The following CCNL2 variants were observed in gnomAD, a reference collection of about 807,000 sequenced individuals.
CCNL2 encodes cyclin-L2.
Under a neutral mutation model 59.1 loss-of-function variants are expected in CCNL2, and 28 were observed. The observed-to-expected ratio is 0.47, with a 90% CI of 0.35 to 0.65. The LOEUF (loss-of-function observed/expected upper bound fraction) is 0.65. Ranked by LOEUF, CCNL2 falls within the 30% of genes least tolerant of loss-of-function variation. The pLI, the probability that CCNL2 is intolerant of heterozygous loss-of-function variation, is 0.00. For missense variants in CCNL2, 714 were observed against 717.4 expected (o/e 1.00, Z 0.05); for synonymous variants, 342 against 288.6 (o/e 1.19, Z -1.88).
rs994146867 is a variant in CCNL2 at position 1,386,560 on chromosome 1, G to A, written c.*671C>T. The A allele has an allele frequency of 2.0e-5, 3 of 152,544 alleles. No individual in the cohort carries two copies. The highest frequency in any genetic ancestry group is 2.9e-5 in the Non-Finnish European group (2 of 68,032). The allele number at this position is 152,544 out of a possible 1,614,324, so 9.4% of individuals were successfully genotyped here. A position where few individuals can be genotyped will look rare whatever the true frequency, so the allele number is the denominator to read the frequency against. On this transcript the variant is annotated 3_prime_UTR_variant, in exon 11 of 11. Transcript: ENST00000400809. ...GCGCATATAGGGAACCTCTATTTAG[G>A]AGCTGGTGGCCTGCACTCAGCACCG...
rs961630724 is a variant in CCNL2 at position 1,399,193 on chromosome 1, C to T, written c.114G>A (p.Gly38=). Residue 38 remains glycine, a synonymous_variant, in exon 1 of 11, where the codon GGG becomes GGA. Transcript: ENST00000400809. ...APSGSQGVLI[G]DRLYSGVLIT... is the part of the protein sequence containing the mutation. ...TGAGCACCCCGGAGTACAGCCTGTC[C>T]CCGATCAGCACCCCCTGCGACCCTG... is the stretch of plus-strand genomic sequence containing the variant. The T allele has an allele frequency of 1.2e-6, 2 of 1,609,480 alleles. No homozygotes were observed. The highest frequency in any genetic ancestry group is 1.7e-6 in the Non-Finnish European group (2 of 1,178,574).
At chr1:1,392,812 G>A (rs1305208940) in intron 5 of CCNL2, 2 of 1,612,280 alleles carry the variant, frequency 1.2e-6, no homozygotes, top group African/African-American at 1.3e-5. Context: ...CCCTTTGATT[G>A]AAAGAGTACA....
Position 1,387,984 on chromosome 1 carries a change from T to C in CCNL2, c.1088A>G (p.Lys363Arg). 1.2e-6 allele frequency: 2 copies of C among 1,614,116 alleles called. No individual in the cohort carries two copies. Among genetic ancestry groups the C allele is most frequent in the Middle Eastern group, 1.7e-4 (1 of 6,060 alleles). Residue 363 changes from lysine (K) to arginine (R), a missense_variant, in exon 9 of 11, where the codon AAG becomes AGG. This residue lies in a region of CCNL2 where 403 missense variants were observed against 377.7 expected (regional missense o/e 1.07). Transcript: ENST00000400809. ...KNTKRRLEGA[K>R]KAKADSPVNG... ...CACGGGGCTGTCCGCCTTGGCTTTC[T>C]TGGCGCCCTCCAGCCTCCTCTTGGT... is the stretch of plus-strand genomic sequence containing the variant.
chr1:1,395,546 C>T (rs1402867194), intron 3 of CCNL2, 32 bp from the exon 4 acceptor site: 3 of 1,612,358 alleles, frequency 1.9e-6, no homozygotes, highest in Non-Finnish European at 2.5e-6. Flanking sequence ...GTCTGCACCA[C>T]AGTCAAGCAG....
chr1:1,388,326 T>C (rs1644571388), intron 8 of CCNL2: 1 of 463,158 alleles, frequency 2.2e-6, no homozygotes, highest in Non-Finnish European at 4.0e-6. Context: ...ATTGAGACCA[T>C]CCTGCCCAAC....
At position 1,398,397 on chromosome 1, in the gene CCNL2, A is replaced by C. The variant is rs1023384207; in HGVS notation, c.364-55T>G. ...GTTTGTCCCCAGCCACGGCGTCCTG[A>C]CGGCCGCCAAAGGCTTGAGGGCTAT... On this transcript the variant is annotated intron_variant, in intron 2 of 10. Coordinates refer to ENST00000400809, the MANE Select transcript of CCNL2 (RefSeq NM_030937.6). 176 of 1,611,580 alleles carry C rather than the reference A, an allele frequency of 1.1e-4. No homozygotes were observed. The South Asian group carries it at 1.4e-3, about 13-fold the overall frequency.
At position 1,393,480 on chromosome 1, in the gene CCNL2, C is replaced by T. The variant is rs368754476; in HGVS notation, c.595-20G>A. Reference sequence around the variant, plus strand: ...GATTATCTGGAAGATACGGGTCAGGCAGTTATTACCAAGAACCTTAAGAGC... The same window carrying T: ...GATTATCTGGAAGATACGGGTCAGGTAGTTATTACCAAGAACCTTAAGAGC... On this transcript the variant is annotated intron_variant, in intron 4 of 10. Transcript: ENST00000400809. The T allele has an allele frequency of 6.2e-7, 1 of 1,610,142 alleles. No individual in the cohort carries two copies. The highest frequency in any genetic ancestry group is 8.5e-7 in the Non-Finnish European group (1 of 1,176,414).
At position 1,390,559 on chromosome 1, in the gene CCNL2, G is replaced by A; in HGVS notation, c.764C>T (p.Pro255Leu). The change falls in exon 7 of 11, where the codon CCT becomes CTT. Residue 255 changes from proline (P) to leucine (L), a missense_variant. This residue lies in a region of CCNL2 where 403 missense variants were observed against 377.7 expected (regional missense o/e 1.07). Coordinates refer to ENST00000400809, the MANE Select transcript of CCNL2 (RefSeq NM_030937.6). ...IYLAARTLEI[P>L]LPNRPHWFLL... The stretch of plus-strand genomic sequence containing the variant: ...AAACCAATGGGGACGATTGGGCAAA[G>A]GGATCTGTAAAAACAAACACTATCA... 1 of 1,610,930 alleles carries A rather than the reference G, an allele frequency of 6.2e-7. No homozygotes were observed. Among genetic ancestry groups the A allele is most frequent in the Non-Finnish European group, 8.5e-7 (1 of 1,177,890 alleles).
Position 1,395,540 on chromosome 1 carries a change from G to A in CCNL2, c.474-26C>T, listed in dbSNP as rs373891023. 5.0e-6 allele frequency: 8 copies of A among 1,613,210 alleles called. No individual in the cohort carries two copies. The African/African-American group carries it at 1.1e-4, about 22-fold the overall frequency. The stretch of plus-strand genomic sequence containing the variant: ...CTGCCAGAGAGAGAGCACAGGGTCT[G>A]CACCACAGTCAAGCAGAGCAAGGCT... On this transcript the variant is annotated intron_variant, in intron 3 of 10. Transcript: ENST00000400809.
At chr1:1,395,924 T>A (rs952431330) in intron 3 of CCNL2, among the ~76,000 whole-genome samples, 2 of 151,484 alleles carry the variant, frequency 1.3e-5, no homozygotes, top group African/African-American at 4.9e-5. Context: ...CTGCCTGTAA[T>A]CCCAGCACTT....
chr1:1,394,217 C>A (rs917796964), intron 4 of CCNL2, among the ~76,000 whole-genome samples: 1 of 151,772 alleles, frequency 6.6e-6, no homozygotes, highest in African/African-American at 2.4e-5. Flanking sequence ...ATGAGGAAAC[C>A]CACCAATAAA....
At chr1:1,390,738 A>C in intron 6 of CCNL2, 28 bp downstream of exon 6, 1 of 1,597,958 alleles carries the variant, frequency 6.3e-7, no homozygotes, top group Non-Finnish European at 8.6e-7. Flanking sequence ...ATCAGACTAG[A>C]ATCTCTCCAT....
At position 1,398,219 on chromosome 1, in the gene CCNL2, T is replaced by TGA; in HGVS notation, c.473+13_473+14insTC. On this transcript the variant is annotated intron_variant, in intron 3 of 10. Transcript: ENST00000400809. ...AGGCATCTATGATAGACTAGACAGCTCTGACTGACTCACTTTTTGTCTCTC... is the reference window on the plus strand; with the variant it reads ...AGGCATCTATGATAGACTAGACAGCTGACTGACTGACTCACTTTTTGTCTCTC... 1 of 1,613,322 alleles carries TGA rather than the reference T, an allele frequency of 6.2e-7. No individual in the cohort carries two copies. Among genetic ancestry groups the TGA allele is most frequent in the South Asian group, 1.1e-5 (1 of 91,062 alleles).
chr1:1,391,088 T>G, intron 5 of CCNL2: 1 of 1,142,510 alleles, frequency 8.8e-7, no homozygotes, highest in Non-Finnish European at 1.1e-6. Flanking sequence ...ACAGAAATTA[T>G]TAGAAAAAAA....
At position 1,390,369 on chromosome 1, in the gene CCNL2, A is replaced by T; in HGVS notation, c.867T>A (p.Val289=). 1 of 1,612,472 alleles carries T rather than the reference A, an allele frequency of 6.2e-7. No individual in the cohort carries two copies. Among genetic ancestry groups the T allele is most frequent in the Non-Finnish European group, 8.5e-7 (1 of 1,178,596 alleles). The change falls in exon 8 of 11, where the codon GTT becomes GTA. Residue 289 remains valine (V), a splice_region_variant and synonymous_variant. Coordinates refer to ENST00000400809, the MANE Select transcript of CCNL2 (RefSeq NM_030937.6). ...KILQLYARKK[V]DLTHLEGEVE... The stretch of plus-strand genomic sequence containing the variant: ...CTTCACCCTCCAGGTGTGTGAGATC[A>T]ACCTGCAAAAGCCAGAAGGTGTCCG...
At chr1:1,397,784 G>C (rs1303661939) in intron 3 of CCNL2, among the ~76,000 whole-genome samples, 3 of 152,124 alleles carry the variant, frequency 2.0e-5, no homozygotes, top group Non-Finnish European at 4.4e-5. Flanking sequence ...AGAAACTCTT[G>C]AGCCTAGGAG....
chr1:1,387,729 C>G (rs1325725279), intron 10 of CCNL2, 48 bp downstream of exon 10: 1 of 1,524,184 alleles, frequency 6.6e-7, no homozygotes, highest in Non-Finnish European at 9.0e-7. Flanking sequence ...CCCCGAGGGA[C>G]AGCCCCACCC....
In CCNL2 at chr1:1,387,720, C is replaced by T. The variant is rs1359952704; in HGVS notation, c.1211+57G>A. The T allele has an allele frequency of 4.7e-6, 7 of 1,499,458 alleles. No homozygotes were observed. In the African/African-American group the frequency reaches 9.7e-5, roughly 21 times the overall value. 92.9% of individuals were successfully genotyped at this position (1,499,458 alleles called of 1,614,324 possible). On this transcript the variant is annotated intron_variant, in intron 10 of 10. Coordinates refer to ENST00000400809, the MANE Select transcript of CCNL2 (RefSeq NM_030937.6). ...ACCACCTCAGGGTGAGAATGATTACCCCGAGGGACAGCCCCACCCCGGTAT... is the reference window on the plus strand; with the variant it reads ...ACCACCTCAGGGTGAGAATGATTACTCCGAGGGACAGCCCCACCCCGGTAT...
At chr1:1,388,887 C>T in intron 8 of CCNL2, 1 of 296,852 alleles carries the variant, frequency 3.4e-6, no homozygotes, top group Non-Finnish European at 6.5e-6. Flanking sequence ...ACCAGTCTGA[C>T]CAAAATGGAG....
Sources: gnomAD v4.1 joint callset for allele counts (sites outside exome capture counted in the v4.1 genomes callset) on GRCh38, gnomAD v4.1.1 for gene constraint, gnomAD v4.1.1 regional missense constraint, MANE v1.5 for transcripts, NCBI Gene and HGNC (gene_info 2026-07-23, HGNC 2026-07-21) for gene names.